Variants in ELAPOR2 observed in about 807,000 individuals in gnomAD.
The protein encoded by ELAPOR2 is endosome/lysosome-associated apoptosis and autophagy regulator family member 2.
ELAPOR2 carries 89 observed loss-of-function variants against 120.7 expected under a neutral mutation model. That is an observed-to-expected ratio of 0.74 (90% CI 0.62 to 0.88). The LOEUF is 0.88. ELAPOR2 is among the 40% of genes least tolerant of loss of function. The probability of loss-of-function intolerance (pLI) is 0.00; values close to 1 mark genes in which losing one functional copy is unlikely to be tolerated. For missense variants in ELAPOR2, 1,134 were observed against 1,251.6 expected, an observed-to-expected ratio of 0.91 and a Z score of 1.42; for synonymous variants, 444 against 444.9, an observed-to-expected ratio of 1.00 and a Z score of 0.03.
chr7:86,910,842 T>A (rs1789270121), intron 15 of ELAPOR2, among the ~76,000 whole-genome samples: 1 of 152,086 alleles, frequency 6.6e-6, no homozygotes, highest in East Asian at 1.9e-4. Flanking sequence ...AGTTTATCTT[T>A]CTTAATGCAG....
intron 21 of ELAPOR2, among the ~76,000 whole-genome samples, chr7:86,880,971 T>C (rs1799370707): frequency 6.6e-6 from 1 of 151,978 alleles, no homozygotes; most frequent in Admixed American, 6.6e-5. Context: ...ATAAGGAGAA[T>C]GCCAACAAGA....
intron 21 of ELAPOR2, among the ~76,000 whole-genome samples, chr7:86,885,603 C>A (rs1182111142): frequency 6.6e-6 from 1 of 152,038 alleles, no homozygotes; most frequent in African/African-American, 2.4e-5. Flanking sequence ...CAATACACAC[C>A]CATCTGAATC....
chr7:86,923,299 A>G (rs1030412906), intron 10 of ELAPOR2, among the ~76,000 whole-genome samples: 1 of 151,946 alleles, frequency 6.6e-6, no homozygotes, highest in African/African-American at 2.4e-5. Context: ...AATGTCCCCA[A>G]CATTAAAAAG....
At chr7:87,039,823 G>C (rs1318373796) in intron 1 of ELAPOR2, among the ~76,000 whole-genome samples, 2 of 152,210 alleles carry the variant, frequency 1.3e-5, no homozygotes, top group Non-Finnish European at 2.9e-5. Context: ...GAGCGACGCA[G>C]AAGACGGGTG....
chr7:86,897,538 C>G lies in ELAPOR2; in HGVS notation c.2653G>C (p.Glu885Gln). Residue 885 changes from glutamate (E) to glutamine (Q), a missense_variant, in exon 19 of 22, where the codon GAG becomes CAG. Glu to Gln is a conservative substitution (Grantham distance 29, BLOSUM62 2). Transcript: ENST00000450689. ...CPLCTEHDFH[E>Q]IEGACKRGFQ... ...CCTCTCTTGCAGGCTCCCTCAATCTCATGGAAGTCATGCTCCGTACACAGA... is the reference window on the plus strand; with the variant it reads ...CCTCTCTTGCAGGCTCCCTCAATCTGATGGAAGTCATGCTCCGTACACAGA... The G allele has an allele frequency of 6.2e-7, 1 of 1,613,264 alleles. No homozygotes were observed. Among genetic ancestry groups the G allele is most frequent in the East Asian group, 2.2e-5 (1 of 44,806 alleles).
chr7:86,907,534 A>C (rs1366282373), intron 18 of ELAPOR2, 136 bp downstream of exon 18: 3 of 110,048 alleles, frequency 2.7e-5, no homozygotes, highest in African/African-American at 9.7e-5. Flanking sequence ...CATTCCCTAC[A>C]AAAAAAAAAA....
intron 9 of ELAPOR2, among the ~76,000 whole-genome samples, chr7:86,926,459 G>T (rs1332739615): frequency 6.6e-6 from 1 of 151,840 alleles, no homozygotes; most frequent in African/African-American, 2.4e-5. Context: ...TCACACTATT[G>T]GTAGCATGGG....
intron 1 of ELAPOR2, among the ~76,000 whole-genome samples, chr7:86,984,892 C>T (rs527917859): frequency 2.4e-4 from 36 of 152,068 alleles, no homozygotes; most frequent in African/African-American, 8.0e-4. Flanking sequence ...TCAATAAATC[C>T]TGGAGCTGGT....
rs201169216 is a variant in ELAPOR2 at position 86,892,973 on chromosome 7, G to A, written c.2813C>T (p.Thr938Ile). The change falls in exon 20 of 22, where the codon ACT becomes ATT. Residue 938 changes from threonine to isoleucine, a missense_variant. Physicochemically the swap from Thr to Ile is moderately conservative, Grantham distance 89. Coordinates refer to ENST00000450689, the MANE Select transcript of ELAPOR2 (RefSeq NM_001142749.3). The part of the protein sequence containing the change: ...LKVGAGVGAF[T>I]AVLLVALTCY... ...GGTCAGAGCCACCAGCAAAACGGCA[G>A]TAAAAGCTCCCACACCGGCTCCCAC... 2.5e-6 allele frequency: 4 copies of A among 1,572,190 alleles called. No homozygotes were observed. Among genetic ancestry groups the A allele is most frequent in the East Asian group, 2.3e-5 (1 of 43,056 alleles).
At chr7:86,988,855 A>T (rs939450257) in intron 1 of ELAPOR2, among the ~76,000 whole-genome samples, 1 of 152,224 alleles carries the variant, frequency 6.6e-6, no homozygotes, top group Non-Finnish European at 1.5e-5. Flanking sequence ...TTCACAGTAC[A>T]TGTTTTGTTG....
chr7:87,046,318 G>A (rs1794956260), intron 1 of ELAPOR2, among the ~76,000 whole-genome samples: 1 of 152,098 alleles, frequency 6.6e-6, no homozygotes, highest in African/African-American at 2.4e-5. Flanking sequence ...CAAAAAATGG[G>A]AAAATATTCC....
At chr7:86,997,445 A>T (rs1793162473) in intron 1 of ELAPOR2, among the ~76,000 whole-genome samples, 1 of 152,160 alleles carries the variant, frequency 6.6e-6, no homozygotes, top group South Asian at 2.1e-4. Flanking sequence ...CCAGACCTAA[A>T]GAGCCCCAGG....
intron 1 of ELAPOR2, among the ~76,000 whole-genome samples, chr7:86,976,406 A>G (rs528989909): frequency 6.6e-6 from 1 of 152,222 alleles, no homozygotes; most frequent in South Asian, 2.1e-4. Context: ...TCTATGAAGT[A>G]ACAGTCCCAG....
intron 1 of ELAPOR2, among the ~76,000 whole-genome samples, chr7:87,009,811 A>AG (rs1242621409): frequency 6.6e-6 from 1 of 152,242 alleles, no homozygotes. Flanking sequence ...TCATCTTTAA[A>AG]GAAAGCTATT....
chr7:87,042,664 A>T lies in ELAPOR2; in HGVS notation c.189+16661T>A, dbSNP rs1054335586. 3.3e-5 allele frequency among the ~76,000 whole-genome samples: 5 copies of T among 152,244 alleles called. No homozygotes were observed. The South Asian group carries it at 8.3e-4, about 25-fold the overall frequency. On this transcript the variant is annotated intron_variant, in intron 1 of 21. Transcript: ENST00000450689. Reference sequence around the variant, plus strand: ...ATGCCCACAAGAGAAAGCAGGAAAGATCCAAAATTGGCACCCTAACATCAC... The same window carrying T: ...ATGCCCACAAGAGAAAGCAGGAAAGTTCCAAAATTGGCACCCTAACATCAC...
At chr7:86,961,891 AGAG>A (rs753935779) in intron 2 of ELAPOR2, among the ~76,000 whole-genome samples, 5 of 152,178 alleles carry the variant, frequency 3.3e-5, no homozygotes, top group Non-Finnish European at 7.4e-5. Flanking sequence ...GAGCTAGCGG[AGAG>A]GAGGAGAGAG....
intron 1 of ELAPOR2, among the ~76,000 whole-genome samples, chr7:87,005,199 A>T (rs1793433613): frequency 6.6e-6 from 1 of 152,200 alleles, no homozygotes; most frequent in African/African-American, 2.4e-5. Flanking sequence ...GTATACACCA[A>T]ACAAATGAAC....
intron 10 of ELAPOR2, among the ~76,000 whole-genome samples, 186 bp from the exon 11 acceptor site, chr7:86,919,496 A>C (rs1264235654): frequency 6.6e-6 from 1 of 152,168 alleles, no homozygotes; most frequent in Non-Finnish European, 1.5e-5. Flanking sequence ...TTCCAAGAGG[A>C]ACCAAGCAAT....
intron 21 of ELAPOR2, among the ~76,000 whole-genome samples, chr7:86,887,433 C>A (rs1584304994): frequency 6.6e-6 from 1 of 152,094 alleles, no homozygotes; most frequent in African/African-American, 2.4e-5. Flanking sequence ...ATACCTTTGA[C>A]CACCTCTTTG....
Sources: gnomAD v4.1 joint callset for allele counts (sites outside exome capture counted in the v4.1 genomes callset) on GRCh38, gnomAD v4.1.1 for gene constraint, MANE v1.5 for transcripts, NCBI Gene and HGNC (gene_info 2026-07-23, HGNC 2026-07-21) for gene names.